ATRN: variants seen among roughly 807,000 people sequenced by gnomAD.
The protein encoded by ATRN is attractin-2.
Under a neutral mutation model 178.7 loss-of-function variants are expected in ATRN, and 54 were observed. The ratio of observed to expected loss-of-function variants is 0.30; its 90% CI spans 0.24 to 0.38. The LOEUF is 0.38. ATRN is among the 10% of genes least tolerant of loss of function. The pLI is 1.00. For missense variants in ATRN, 1,443 were observed against 1,815.1 expected, an observed-to-expected ratio of 0.79 and a Z score of 3.73; for synonymous variants, 636 against 663.0, an observed-to-expected ratio of 0.96 and a Z score of 0.63.
chr20:3,518,982 T>C (rs1187039733), intron 1 of ATRN, among the ~76,000 whole-genome samples: 1 of 138,572 alleles, frequency 7.2e-6, no homozygotes, highest in Non-Finnish European at 1.6e-5. Context: ...TGATAAATAG[T>C]GCTTCAATAA....
intron 1 of ATRN, among the ~76,000 whole-genome samples, chr20:3,533,671 A>G (rs2085485023): frequency 6.6e-6 from 1 of 151,672 alleles, no homozygotes; most frequent in Non-Finnish European, 1.5e-5. Context: ...ATGGAAATGC[A>G]TTGCATGCTC....
intron 25 of ATRN, chr20:3,628,871 T>G: frequency 1.0e-6 from 1 of 984,842 alleles, no homozygotes; most frequent in East Asian, 1.1e-4. Flanking sequence ...TCTTTTCTAT[T>G]CAGCCTCTCA....
At chr20:3,581,522 C>T (rs190056667) in intron 15 of ATRN, among the ~76,000 whole-genome samples, 3 of 152,134 alleles carry the variant, frequency 2.0e-5, no homozygotes, top group African/African-American at 4.8e-5. Context: ...ATGCTTTGGA[C>T]GAGGAGTGTT....
chr20:3,590,109 C>T (rs1452321378), intron 18 of ATRN, among the ~76,000 whole-genome samples: 1 of 152,158 alleles, frequency 6.6e-6, no homozygotes, highest in African/African-American at 2.4e-5. Flanking sequence ...GCCACCACCT[C>T]TGGCTAATTT....
intron 24 of ATRN, among the ~76,000 whole-genome samples, chr20:3,617,298 A>G (rs922975260): frequency 1.3e-5 from 2 of 152,152 alleles, no homozygotes; most frequent in Admixed American, 6.5e-5. Context: ...TAAACATCCA[A>G]ATTTTACAAA....
intron 1 of ATRN, among the ~76,000 whole-genome samples, chr20:3,497,782 G>A (rs1191923915): frequency 8.5e-5 from 13 of 152,112 alleles, no homozygotes; most frequent in South Asian, 2.1e-4. Flanking sequence ...CATTCTCCCC[G>A]TCACTTTCAG....
At chr20:3,557,491 A>C (rs1165479474) in intron 6 of ATRN, among the ~76,000 whole-genome samples, 1 of 152,240 alleles carries the variant, frequency 6.6e-6, no homozygotes, top group Non-Finnish European at 1.5e-5. Flanking sequence ...AGATATTCTC[A>C]AACAAGAGTG....
rs1166549833 is a variant in ATRN at position 3,645,439 on chromosome 20, T to C, written c.4165+1171T>C. Among the ~76,000 whole-genome samples the C allele has an allele frequency of 6.6e-6, 1 of 152,248 alleles. No homozygotes were observed. Among genetic ancestry groups the C allele is most frequent in the Admixed American group, 6.5e-5 (1 of 15,286 alleles). ...TTGAGGACAGGACAACTCTCTCGTC[T>C]GTCACTCAAGTGCAGTTTGTGTCTC... On this transcript the variant is annotated intron_variant, in intron 28 of 28. Transcript: ENST00000262919. The surrounding 1 kb of genome is among the most constrained non-coding windows in gnomAD (Gnocchi z 4.7).
intron 20 of ATRN, 108 bp downstream of exon 20, chr20:3,594,680 C>CT: frequency 1.1e-6 from 1 of 875,038 alleles, no homozygotes; most frequent in Non-Finnish European, 1.7e-6. Flanking sequence ...GCTGTGGGCT[C>CT]TGAGGGATCC....
At chr20:3,531,771 G>A (rs952112507) in intron 1 of ATRN, among the ~76,000 whole-genome samples, 1 of 151,966 alleles carries the variant, frequency 6.6e-6, no homozygotes, top group African/African-American at 2.4e-5. Flanking sequence ...TCAAGGGTGG[G>A]TCAGAGTAAC....
chr20:3,636,097 T>C (rs58190950), intron 26 of ATRN, among the ~76,000 whole-genome samples: 4,869 of 152,254 alleles, frequency 0.032, 237 homozygotes, highest in African/African-American at 0.11. Flanking sequence ...GAGATTATGA[T>C]AGCCTGTTCC....
intron 1 of ATRN, among the ~76,000 whole-genome samples, chr20:3,503,685 A>T (rs917545526): frequency 2.0e-5 from 3 of 152,190 alleles, no homozygotes; most frequent in African/African-American, 7.2e-5. Flanking sequence ...ATATATTGGA[A>T]GAAAGCAAAC....
Position 3,647,192 on chromosome 20 carries a change from G to T in ATRN, c.*345G>T. 1 of 157,672 alleles carries T rather than the reference G, an allele frequency of 6.3e-6. No individual in the cohort carries two copies. Among genetic ancestry groups the T allele is most frequent in the Non-Finnish European group, 1.4e-5 (1 of 72,824 alleles). 9.8% of individuals were successfully genotyped at this position (157,672 alleles called of 1,614,324 possible). A position where few individuals can be genotyped will look rare whatever the true frequency, so the allele number is the denominator to read the frequency against. On this transcript the variant is annotated 3_prime_UTR_variant, in exon 29 of 29. Transcript: ENST00000262919. The stretch of plus-strand genomic sequence containing the variant: ...CTGTTCTTGGGACTGTCTCAACTGT[G>T]CAAAAAACAAAAGATGGAGTGTTTA...
intron 1 of ATRN, among the ~76,000 whole-genome samples, chr20:3,515,591 T>C (rs2085196171): frequency 6.6e-6 from 1 of 152,146 alleles, no homozygotes; most frequent in Admixed American, 6.6e-5. Flanking sequence ...TAAAGTCCAG[T>C]TGGAGTTGGT....
chr20:3,520,105 G>A (rs939539547), intron 1 of ATRN, among the ~76,000 whole-genome samples: 1 of 152,184 alleles, frequency 6.6e-6, no homozygotes, highest in Non-Finnish European at 1.5e-5. Context: ...AGGTTGGGCT[G>A]GGAATATATA....
chr20:3,502,259 G>T (rs1385544115), intron 1 of ATRN, among the ~76,000 whole-genome samples: 1 of 152,114 alleles, frequency 6.6e-6, no homozygotes, highest in African/African-American at 2.4e-5. Flanking sequence ...GACTCATAGG[G>T]AGGCTTTTAT....
chr20:3,489,724 A>T, intron 1 of ATRN: 16 of 1,574,192 alleles, frequency 1.0e-5, no homozygotes, highest in Non-Finnish European at 1.3e-5. Context: ...GGGATGCCCA[A>T]ACACCTCATG....
chr20:3,550,258 A>G (rs1188432445), intron 6 of ATRN, among the ~76,000 whole-genome samples: 1 of 152,118 alleles, frequency 6.6e-6, no homozygotes, highest in Non-Finnish European at 1.5e-5. Flanking sequence ...AACCTGGGAG[A>G]CAGAGGTTGA....
intron 1 of ATRN, among the ~76,000 whole-genome samples, chr20:3,510,850 C>T (rs972149437): frequency 2.6e-5 from 4 of 152,130 alleles, no homozygotes; most frequent in African/African-American, 7.2e-5. Context: ...TGCTGCTGCT[C>T]ATCAGAATTT....
Sources: gnomAD v4.1 joint callset for allele counts (sites outside exome capture counted in the v4.1 genomes callset) on GRCh38, gnomAD v4.1.1 for gene constraint, Gnocchi (gnomAD v3.1) non-coding constraint, MANE v1.5 for transcripts, NCBI Gene and HGNC (gene_info 2026-07-23, HGNC 2026-07-21) for gene names.